VPS54: variants seen among roughly 807,000 people sequenced by gnomAD.
VPS54 encodes vacuolar protein sorting-associated protein 54.
Under a neutral mutation model 121.5 loss-of-function variants are expected in VPS54, and 45 were observed. The ratio of observed to expected loss-of-function variants is 0.37; its 90% CI spans 0.29 to 0.47. VPS54 has a LOEUF of 0.47. Ranked by LOEUF, VPS54 falls within the 20% of genes least tolerant of loss-of-function variation. The pLI is 0.99. For synonymous variants in VPS54, 371 were observed against 385.8 expected, an observed-to-expected ratio of 0.96 and a Z score of 0.45; for missense variants, 1,090 against 1,131.4, an observed-to-expected ratio of 0.96 and a Z score of 0.52.
At chr2:64,006,899 G>T (rs1055936773) in intron 1 of VPS54, among the ~76,000 whole-genome samples, 1 of 152,206 alleles carries the variant, frequency 6.6e-6, no homozygotes, top group Non-Finnish European at 1.5e-5. Flanking sequence ...GATTACAGGC[G>T]TGAGCCACCA....
At chr2:63,970,862 A>G (rs749664952) in intron 4 of VPS54, among the ~76,000 whole-genome samples, 4 of 152,102 alleles carry the variant, frequency 2.6e-5, no homozygotes, top group East Asian at 3.9e-4. Context: ...ATCTCACCCA[A>G]CGTCCTTGGA....
intron 11 of VPS54, among the ~76,000 whole-genome samples, chr2:63,938,235 G>A (rs1279973259): frequency 6.6e-6 from 1 of 151,860 alleles, no homozygotes; most frequent in African/African-American, 2.4e-5. Flanking sequence ...CAAGGTGTTG[G>A]GATTATAGGC....
chr2:64,001,948 T>C (rs56053068), intron 1 of VPS54, among the ~76,000 whole-genome samples: 11,018 of 152,126 alleles, frequency 0.072, 832 homozygotes, highest in African/African-American at 0.19. Context: ...TCCTTTTGGC[T>C]TACACTGCCT....
chr2:63,909,413 CTTTTTTTTT>C (rs5831673), intron 20 of VPS54, among the ~76,000 whole-genome samples: 15 of 69,924 alleles, frequency 2.1e-4, no homozygotes, highest in African/African-American at 4.5e-4. Flanking sequence ...TATTAGCTGC[CTTTTTTTTT>C]TTTTTTTTTT....
At chr2:63,944,691 T>TAA in intron 9 of VPS54, 36 bp from the exon 10 acceptor site, 1 of 1,524,000 alleles carries the variant, frequency 6.6e-7, no homozygotes, top group Non-Finnish European at 9.0e-7. Context: ...ACAATTTGAT[T>TAA]AATTGTCTTT....
intron 20 of VPS54, among the ~76,000 whole-genome samples, chr2:63,909,395 C>A (rs1487785555): frequency 6.7e-6 from 1 of 148,604 alleles, no homozygotes; most frequent in African/African-American, 2.5e-5. Flanking sequence ...GGCAATGGTA[C>A]CCTTACTTAT....
chr2:63,998,660 A>T (rs764743534), intron 1 of VPS54, among the ~76,000 whole-genome samples: 2 of 152,116 alleles, frequency 1.3e-5, no homozygotes, highest in African/African-American at 4.8e-5. Flanking sequence ...CTGCTTGTAT[A>T]AATAGGCAAA....
intron 1 of VPS54, among the ~76,000 whole-genome samples, chr2:63,995,319 T>G (rs1207850691): frequency 6.6e-6 from 1 of 152,252 alleles, no homozygotes. Context: ...TTTATACACT[T>G]GTATTAACTC....
Position 64,009,986 on chromosome 2 carries a change from C to T in VPS54, c.-21+8952G>A, listed in dbSNP as rs1000139460. On this transcript the variant is annotated intron_variant, in intron 1 of 22. Transcript: ENST00000272322. ...CCTCCCAAGAAAATGGGACTACAAA[C>T]GCCTGTCACCTTGCCTGCCTAATTT... Among the ~76,000 whole-genome samples, 5 of 151,880 alleles carry T rather than the reference C, an allele frequency of 3.3e-5. No individual in the cohort carries two copies. The South Asian group carries it at 6.2e-4, about 19-fold the overall frequency.
intron 11 of VPS54, among the ~76,000 whole-genome samples, chr2:63,938,213 G>A (rs971647883): frequency 6.6e-6 from 1 of 151,988 alleles, no homozygotes; most frequent in African/African-American, 2.4e-5. Flanking sequence ...CGATTCTCCT[G>A]CCTCAGTCTC....
intron 1 of VPS54, among the ~76,000 whole-genome samples, chr2:63,993,837 G>A (rs779430972): frequency 6.6e-5 from 10 of 152,172 alleles, no homozygotes; most frequent in Non-Finnish European, 1.5e-4. Context: ...TCCAGTAATG[G>A]AAATGCTGGT....
intron 1 of VPS54, among the ~76,000 whole-genome samples, chr2:63,996,677 T>C (rs1677610454): frequency 1.3e-5 from 2 of 152,172 alleles, no homozygotes; most frequent in African/African-American, 4.8e-5. Flanking sequence ...AAAGAATGCA[T>C]TCCCGGCCGG....
intron 20 of VPS54, among the ~76,000 whole-genome samples, chr2:63,905,173 A>C (rs889862703): frequency 6.6e-6 from 1 of 152,170 alleles, no homozygotes; most frequent in African/African-American, 2.4e-5. Flanking sequence ...AATCCAAAGC[A>C]AGTTAAAAGA....
At chr2:63,936,913 C>G (rs1297170239) in intron 11 of VPS54, among the ~76,000 whole-genome samples, 1 of 152,068 alleles carries the variant, frequency 6.6e-6, no homozygotes, top group Non-Finnish European at 1.5e-5. Context: ...TCAGTCTTTT[C>G]AACAAATGAT....
chr2:63,907,295 G>A (rs1458247382), intron 20 of VPS54, among the ~76,000 whole-genome samples: 5 of 152,258 alleles, frequency 3.3e-5, no homozygotes, highest in African/African-American at 4.8e-5. Flanking sequence ...GAGGTGGGCA[G>A]ATCACCTGAG....
rs1559037769 is a variant in VPS54 at position 63,981,774 on chromosome 2, T to C, written c.250A>G (p.Lys84Glu). 2 of 1,613,806 alleles carry C rather than the reference T, an allele frequency of 1.2e-6. No homozygotes were observed. The highest frequency in any genetic ancestry group is 1.7e-6 in the Non-Finnish European group (2 of 1,179,806). The stretch of plus-strand genomic sequence containing the variant: ...TTTGTGAAGAAGTCAGATTCTCTTT[T>C]TGCTAATCTAGGATCGTTTAATGCT... ...PAALNDPRLA[K>E]RESDFFTKTW... Residue 84 changes from lysine (K) to glutamate (E), a missense_variant, in exon 3 of 23, where the codon AAA (lysine) becomes GAA (glutamate). Coordinates refer to ENST00000272322, the MANE Select transcript of VPS54 (RefSeq NM_016516.3).
intron 6 of VPS54, among the ~76,000 whole-genome samples, chr2:63,964,838 CTCATTT>C (rs1243805202): frequency 6.6e-6 from 1 of 152,198 alleles, no homozygotes; most frequent in Admixed American, 6.5e-5. Context: ...ATCACTACTT[CTCATTT>C]TAAGAACTAC....
chr2:63,910,805 C>T (rs1271363181), intron 20 of VPS54, among the ~76,000 whole-genome samples: 8 of 152,174 alleles, frequency 5.3e-5, no homozygotes, highest in African/African-American at 1.9e-4. Flanking sequence ...TTCAAAAACT[C>T]TGTGGATGAC....
chr2:63,921,403 T>C (rs955519055), intron 12 of VPS54, 68 bp from the exon 13 acceptor site: 1 of 1,505,742 alleles, frequency 6.6e-7, no homozygotes, highest in African/African-American at 1.4e-5. Flanking sequence ...AGGTGACCTA[T>C]CAATAAAAAG....
Sources: gnomAD v4.1 joint callset for allele counts (sites outside exome capture counted in the v4.1 genomes callset) on GRCh38, gnomAD v4.1.1 for gene constraint, MANE v1.5 for transcripts, NCBI Gene and HGNC (gene_info 2026-07-23, HGNC 2026-07-21) for gene names.